PKD1L3: variants seen among roughly 807,000 people sequenced by gnomAD.
PKD1L3 encodes polycystin 1 like 3, transient receptor potential channel interacting.
A neutral mutation model predicts 184.1 loss-of-function variants in PKD1L3; 239 were observed. The ratio of observed to expected loss-of-function variants is 1.30; its 90% CI spans 1.17 to 1.45. The LOEUF is 1.45. PKD1L3 is among the 40% of genes most tolerant of loss of function. The pLI is 0.00. For synonymous variants in PKD1L3, 996 were observed against 778.8 expected, an observed-to-expected ratio of 1.28 and a Z score of -4.64; for missense variants, 2,660 against 2,067.2, an observed-to-expected ratio of 1.29 and a Z score of -5.56.
intron 26 of PKD1L3, 102 bp downstream of exon 26, chr16:71,935,256 C>CA: frequency 8.0e-7 from 1 of 1,247,908 alleles, no homozygotes. Context: ...TAATGTTATG[C>CA]AAATACAGAT....
intron 7 of PKD1L3, among the ~76,000 whole-genome samples, chr16:71,980,651 T>C (rs547832828): frequency 4.6e-5 from 7 of 152,180 alleles, no homozygotes; most frequent in African/African-American, 1.4e-4. Context: ...CTGGCCGACA[T>C]TGTGAAACCC....
chr16:71,987,501 TG>T (rs2040418852), intron 4 of PKD1L3, among the ~76,000 whole-genome samples: 1 of 151,994 alleles, frequency 6.6e-6, no homozygotes, highest in Admixed American at 6.6e-5. Flanking sequence ...GCCTCCTGAG[TG>T]GCTGGGACTA....
intron 16 of PKD1L3, among the ~76,000 whole-genome samples, chr16:71,962,124 A>G (rs1040035205): frequency 5.3e-5 from 8 of 152,030 alleles, no homozygotes; most frequent in African/African-American, 1.9e-4. Context: ...GGGTTTTGCT[A>G]TGTTGGCCAG....
chr16:71,931,293 C>A (rs16973500), intron 28 of PKD1L3: 1 of 151,960 alleles, frequency 6.6e-6, no homozygotes, highest in East Asian at 1.9e-4. Flanking sequence ...AGAACCACAA[C>A]AGAACACAGC....
chr16:71,970,053 G>A lies in PKD1L3; in HGVS notation c.2006C>T (p.Thr669Ile). 1.3e-6 allele frequency: 2 copies of A among 1,551,516 alleles called. No homozygotes were observed. The highest frequency in any genetic ancestry group is 1.2e-5 in the South Asian group (1 of 84,044). ...GACAAAGAAGTCGCTGGCAAAGAAG[G>A]TCAGGTGGTTACAGAGACACTGTGT... ...LRTQCLCNHL[T>I]FFASDFFVVP... is the part of the protein sequence containing the mutation. The change falls in exon 13 of 30, where the codon ACC becomes ATC. Residue 669 changes from threonine (T) to isoleucine (I), a missense_variant. Transcript: ENST00000620267.
chr16:71,960,255 T>A (rs1421113030), intron 16 of PKD1L3, among the ~76,000 whole-genome samples: 3 of 151,174 alleles, frequency 2.0e-5, no homozygotes, highest in Non-Finnish European at 4.4e-5. Flanking sequence ...TTATAACAAA[T>A]AATGCAAAAT....
chr16:71,933,974 C>G lies in PKD1L3; in HGVS notation c.4765G>C (p.Asp1589His). 6.4e-7 allele frequency: 1 copy of G among 1,551,624 alleles called. No homozygotes were observed. ...ATCAGCAGAAAGCCCACCACCTCGT[C>G]CCAGGCTCGGCTCAGTGTCCTGCTG... ...VISRTLSRAW[D>H]EVVGFLLIIL... is the part of the protein sequence containing the mutation. The change falls in exon 27 of 30, where the codon GAC becomes CAC. Residue 1589 changes from aspartate (D) to histidine (H), a missense_variant. Transcript: ENST00000620267.
intron 2 of PKD1L3, among the ~76,000 whole-genome samples, chr16:71,997,788 T>TAAATAAAC (rs2040844750): frequency 6.6e-6 from 1 of 151,148 alleles, no homozygotes; most frequent in South Asian, 2.1e-4. Context: ...AATAAATAAA[T>TAAATAAAC]ACAACAACTA....
chr16:71,955,839 T>A (rs1381194247), intron 16 of PKD1L3, among the ~76,000 whole-genome samples: 1 of 152,168 alleles, frequency 6.6e-6, no homozygotes, highest in Non-Finnish European at 1.5e-5. Context: ...TGGGCACTCA[T>A]TCTCCTTGCT....
At chr16:71,977,148 G>T (rs1228750012) in intron 11 of PKD1L3, 88 bp downstream of exon 11, 1 of 1,017,566 alleles carries the variant, frequency 9.8e-7, no homozygotes, top group Admixed American at 2.1e-5. Flanking sequence ...GACAGTTTGA[G>T]GCTGCAGTCA....
chr16:71,976,992 C>T (rs1386507311), intron 11 of PKD1L3, among the ~76,000 whole-genome samples: 2 of 152,232 alleles, frequency 1.3e-5, no homozygotes, highest in African/African-American at 2.4e-5. Context: ...ATCTGCCCGC[C>T]TCGGCCTCCC....
At chr16:71,998,516 T>A in intron 1 of PKD1L3, 122 bp from the exon 2 acceptor site, 4 of 1,280,282 alleles carry the variant, frequency 3.1e-6, no homozygotes, top group Non-Finnish European at 4.1e-6. Context: ...AGTGGTGTGA[T>A]CTTCACTCAC....
intron 11 of PKD1L3, among the ~76,000 whole-genome samples, chr16:71,974,303 A>AAATAGT (rs1597347562): frequency 6.6e-6 from 1 of 152,118 alleles, no homozygotes; most frequent in East Asian, 1.9e-4. Context: ...CTCATCTTTC[A>AAATAGT]AATAGTCCTG....
At chr16:71,965,090 T>C (rs1256964732) in intron 15 of PKD1L3, among the ~76,000 whole-genome samples, 1 of 152,078 alleles carries the variant, frequency 6.6e-6, no homozygotes, top group Non-Finnish European at 1.5e-5. Flanking sequence ...TCAAGTGATC[T>C]AACCACCTTG....
At chr16:71,975,539 T>C (rs976387985) in intron 11 of PKD1L3, among the ~76,000 whole-genome samples, 14 of 152,166 alleles carry the variant, frequency 9.2e-5, no homozygotes, top group Non-Finnish European at 2.1e-4. Flanking sequence ...ATCTACAATA[T>C]ATAAATGTGA....
chr16:71,935,800 C>A (rs1300984361), intron 25 of PKD1L3, among the ~76,000 whole-genome samples: 1 of 152,156 alleles, frequency 6.6e-6, no homozygotes, highest in Non-Finnish European at 1.5e-5. Context: ...ACAAAAGTTT[C>A]TTTCTTTGAG....
In PKD1L3 at chr16:71,977,394, A is replaced by T. The variant is rs941570595; in HGVS notation, c.1601T>A (p.Ile534Asn). ...CTCCAAGGAAGTGACGTTCACTGTG[A>T]TTGTAAGCTGATGTGTGCTCATGTT... is the stretch of plus-strand genomic sequence containing the variant. ...SLNMSTHQLTITVNVTSLEKS... is the reference protein window; with the variant it reads ...SLNMSTHQLTNTVNVTSLEKS... The change falls in exon 11 of 30, where the codon ATC (isoleucine) becomes AAC (asparagine). Residue 534 changes from isoleucine (I) to asparagine (N), a missense_variant. Physicochemically the swap from Ile to Asn is moderately radical, Grantham distance 149 (BLOSUM62 -3). Coordinates refer to ENST00000620267, the MANE Select transcript of PKD1L3 (RefSeq NM_181536.2). The T allele has an allele frequency of 1.3e-6, 2 of 1,551,414 alleles. No individual in the cohort carries two copies. The highest frequency in any genetic ancestry group is 2.7e-5 in the African/African-American group (2 of 72,994).
At chr16:71,976,262 G>GTGTTTTTTTTTTTTT (rs1567534640) in intron 11 of PKD1L3, among the ~76,000 whole-genome samples, 1 of 25,204 alleles carries the variant, frequency 4.0e-5, no homozygotes, top group Non-Finnish European at 8.8e-5. Flanking sequence ...TGCCCAGCCT[G>GTGTTTTTTTTTTTTT]TCTTTTTTTT....
Position 71,934,010 on chromosome 16 carries a change from G to A in PKD1L3, c.4729C>T (p.Leu1577=). 6.4e-7 allele frequency: 1 copy of A among 1,551,738 alleles called. No individual in the cohort carries two copies. The highest frequency in any genetic ancestry group is 8.7e-7 in the Non-Finnish European group (1 of 1,147,016). The change falls in exon 27 of 30, where the codon CTG becomes TTG. Residue 1577 remains leucine (L), a synonymous_variant. Transcript: ENST00000620267. ...LWNLLRHSPR[L]RVISRTLSRA... Reference sequence around the variant, plus strand: ...CTCAGTGTCCTGCTGATGACCCGCAGCCTGGGGCTATGACGCAGCAGGTTC... The same window carrying A: ...CTCAGTGTCCTGCTGATGACCCGCAACCTGGGGCTATGACGCAGCAGGTTC...
Sources: gnomAD v4.1 joint callset for allele counts (sites outside exome capture counted in the v4.1 genomes callset) on GRCh38, gnomAD v4.1.1 for gene constraint, MANE v1.5 for transcripts, NCBI Gene and HGNC (gene_info 2026-07-23, HGNC 2026-07-21) for gene names.